The following MRPL1 variants were observed in gnomAD, a reference collection of about 807,000 sequenced individuals.
MRPL1 encodes mitochondrial ribosomal protein L1.
MRPL1 carries 28 observed loss-of-function variants against 38.0 expected under a neutral mutation model. The observed-to-expected ratio is 0.74, with a 90% CI of 0.55 to 1.01. The LOEUF (loss-of-function observed/expected upper bound fraction) is 1.01. Among genes scored for constraint, MRPL1 ranks in the 50% least tolerant of loss-of-function variants. MRPL1 has a pLI of 0.00. For missense variants in MRPL1, 358 were observed against 389.8 expected (o/e 0.92, Z 0.69); for synonymous variants, 123 against 126.7 (o/e 0.97, Z 0.20).
rs34937602 is a variant in MRPL1 at position 77,919,849 on chromosome 4, A to ATATGTGTGTG, written c.777+10478_777+10479insATGTGTGTGT. ...TCAGATCCATGTTATATATATATAT[A>ATATGTGTGTG]TGTGTGTGTGTGTGTGTGTTTTCTA... On this transcript the variant is annotated intron_variant, in intron 7 of 8. Coordinates refer to ENST00000315567, the MANE Select transcript of MRPL1 (RefSeq NM_020236.4). Among the ~76,000 whole-genome samples the ATATGTGTGTG allele has an allele frequency of 2.3e-4, 34 of 149,466 alleles. No homozygotes were observed. In the South Asian group the frequency reaches 7.0e-3, roughly 31 times the overall value.
At position 77,913,083 on chromosome 4, in the gene MRPL1, A is replaced by T. The variant is rs79052731; in HGVS notation, c.777+3711A>T. Among the ~76,000 whole-genome samples the T allele has an allele frequency of 2.4e-3, 359 of 152,284 alleles. 3 individuals are homozygous for T. Among genetic ancestry groups the T allele is most frequent in the African/African-American group, 7.9e-3 (330 of 41,598 alleles). On this transcript the variant is annotated intron_variant, in intron 7 of 8. Transcript: ENST00000315567. ...AGACCTAAATGTAAAGCCTAAAATT[A>T]TAAAACTTTGAGAAGAAAAAGTTGG...
chr4:77,944,177 A>G (rs957055727), intron 7 of MRPL1, among the ~76,000 whole-genome samples: 1 of 152,188 alleles, frequency 6.6e-6, no homozygotes, highest in Non-Finnish European at 1.5e-5. Flanking sequence ...GCCACCCAGC[A>G]GTTACCAGGC....
At chr4:77,881,289 A>G (rs1281898411) in intron 2 of MRPL1, among the ~76,000 whole-genome samples, 4 of 151,998 alleles carry the variant, frequency 2.6e-5, no homozygotes, top group Non-Finnish European at 5.9e-5. Context: ...ACTTGAACTA[A>G]TCTCTGTGAC....
In MRPL1 at chr4:77,885,346, A is replaced by G; in HGVS notation, c.486+7A>G. 2 of 1,591,596 alleles carry G rather than the reference A, an allele frequency of 1.3e-6. No homozygotes were observed. Among genetic ancestry groups the G allele is most frequent in the Non-Finnish European group, 1.7e-6 (2 of 1,159,674 alleles). ...AGTTGCTGTATTTACAGAGGTGAGT[A>G]ACTTCCGTCAACTATTTATATCATT... is the stretch of plus-strand genomic sequence containing the variant. On this transcript the variant is annotated splice_region_variant and intron_variant, in intron 4 of 8. Transcript: ENST00000315567.
rs185368646 is a variant in MRPL1 at position 77,886,522 on chromosome 4, C to T, written c.487-698C>T. ...GCTAATTTTGTATTTTTAGTAGAGACGGGGTTTCTCCACGTTGGTCAGGCT... is the reference window on the plus strand; with the variant it reads ...GCTAATTTTGTATTTTTAGTAGAGATGGGGTTTCTCCACGTTGGTCAGGCT... On this transcript the variant is annotated intron_variant, in intron 4 of 8. Transcript: ENST00000315567. Among the ~76,000 whole-genome samples the T allele has an allele frequency of 1.1e-4, 16 of 152,068 alleles. No homozygotes were observed. The East Asian group carries it at 2.1e-3, about 20-fold the overall frequency.
intron 1 of MRPL1, among the ~76,000 whole-genome samples, chr4:77,869,723 G>A (rs1735232247): frequency 6.6e-6 from 1 of 152,032 alleles, no homozygotes; most frequent in Non-Finnish European, 1.5e-5. Flanking sequence ...TCAGGTAGCT[G>A]GGATTACAGG....
At chr4:77,939,019 C>T (rs1053557234) in intron 7 of MRPL1, among the ~76,000 whole-genome samples, 6 of 152,196 alleles carry the variant, frequency 3.9e-5, no homozygotes, top group Admixed American at 2.6e-4. Flanking sequence ...ACTCATCACC[C>T]GAGCAGTGTA....
intron 5 of MRPL1, among the ~76,000 whole-genome samples, chr4:77,888,918 CAAG>C (rs1735744782): frequency 6.6e-6 from 1 of 152,048 alleles, no homozygotes; most frequent in East Asian, 1.9e-4. Context: ...GTCAATTCAA[CAAG>C]AAGAGCTAAC....
At chr4:77,925,957 C>T (rs1697299544) in intron 7 of MRPL1, among the ~76,000 whole-genome samples, 1 of 152,074 alleles carries the variant, frequency 6.6e-6, no homozygotes, top group Admixed American at 6.6e-5. Context: ...AACATGTGTT[C>T]TGAGAATTCT....
At chr4:77,914,989 G>C (rs1736387028) in intron 7 of MRPL1, among the ~76,000 whole-genome samples, 1 of 152,134 alleles carries the variant, frequency 6.6e-6, no homozygotes, top group African/African-American at 2.4e-5. Flanking sequence ...ACAGAGACTG[G>C]ATATGGCCTG....
chr4:77,929,734 C>T (rs1210164207), intron 7 of MRPL1, among the ~76,000 whole-genome samples: 1 of 149,908 alleles, frequency 6.7e-6, no homozygotes, highest in Non-Finnish European at 1.5e-5. Context: ...TTTTGTATGG[C>T]CTGTGAGCTT....
rs187763519 is a variant in MRPL1 at position 77,919,321 on chromosome 4, A to C, written c.777+9949A>C. Among the ~76,000 whole-genome samples the C allele has an allele frequency of 9.2e-5, 14 of 152,290 alleles. No individual in the cohort carries two copies. The East Asian group carries it at 2.5e-3, about 27-fold the overall frequency. The stretch of plus-strand genomic sequence containing the variant: ...GCTTCTCCAGAACACTTCTAAGTGT[A>C]ATCGAAGGCCACTTACATTGTTGCT... On this transcript the variant is annotated intron_variant, in intron 7 of 8. Transcript: ENST00000315567.
At chr4:77,902,844 G>A (rs1736066308) in intron 6 of MRPL1, among the ~76,000 whole-genome samples, 1 of 152,174 alleles carries the variant, frequency 6.6e-6, no homozygotes, top group Non-Finnish European at 1.5e-5. Flanking sequence ...ATAAAGGAAA[G>A]AAATTGAATT....
intron 1 of MRPL1, among the ~76,000 whole-genome samples, chr4:77,869,483 G>C (rs1735227409): frequency 6.6e-6 from 1 of 152,158 alleles, no homozygotes; most frequent in South Asian, 2.1e-4. Context: ...AGTGGTATTT[G>C]GTTTCTTTTG....
chr4:77,935,556 G>A (rs530273052), intron 7 of MRPL1, among the ~76,000 whole-genome samples: 1 of 152,026 alleles, frequency 6.6e-6, no homozygotes, highest in East Asian at 2.0e-4. Context: ...CATCATACCT[G>A]GTTAATTTTT....
chr4:77,886,554 G>A (rs1356214909), intron 4 of MRPL1, among the ~76,000 whole-genome samples: 9 of 151,940 alleles, frequency 5.9e-5, no homozygotes, highest in East Asian at 1.9e-4. Context: ...GGCTGGTCTC[G>A]AGCTCCTGAC....
chr4:77,930,711 T>G (rs1192685536), intron 7 of MRPL1, among the ~76,000 whole-genome samples: 1 of 152,224 alleles, frequency 6.6e-6, no homozygotes, highest in Non-Finnish European at 1.5e-5. Context: ...GGTAAGCTGA[T>G]GTACTTCAAT....
intron 1 of MRPL1, chr4:77,864,505 C>T (rs980968896): frequency 1.3e-5 from 2 of 152,078 alleles, no homozygotes; most frequent in African/African-American, 4.8e-5. Context: ...GAAACTTTCA[C>T]ATTTCATAGT....
At chr4:77,867,482 C>T (rs1235555776) in intron 1 of MRPL1, among the ~76,000 whole-genome samples, 5 of 152,208 alleles carry the variant, frequency 3.3e-5, no homozygotes, top group Non-Finnish European at 7.3e-5. Flanking sequence ...ACATTTCCTG[C>T]CCATGATGCT....
Sources: allele counts gnomAD v4.1 joint callset (sites outside exome capture counted in the v4.1 genomes callset), GRCh38; gene constraint gnomAD v4.1.1; transcripts MANE v1.5; gene names NCBI Gene and HGNC (gene_info 2026-07-23, HGNC 2026-07-21).